OTUD4: variants seen among roughly 807,000 people sequenced by gnomAD.
OTUD4 encodes OTU domain-containing protein 4.
In OTUD4, 24 loss-of-function variants were observed where a neutral mutation model predicts 130.4. That is an observed-to-expected ratio of 0.18 (90% CI 0.13 to 0.26). The LOEUF is 0.26. Ranked by LOEUF, OTUD4 falls within the 10% of genes least tolerant of loss-of-function variation. The pLI is 1.00. For synonymous variants in OTUD4, 420 were observed against 472.5 expected, an observed-to-expected ratio of 0.89 and a Z score of 1.44; for missense variants, 1,031 against 1,329.4, an observed-to-expected ratio of 0.78 and a Z score of 3.49.
chr4:145,148,173 G>A (rs547944079), intron 13 of OTUD4, among the ~76,000 whole-genome samples: 22 of 152,254 alleles, frequency 1.4e-4, no homozygotes, highest in Non-Finnish European at 2.2e-4. Flanking sequence ...ATCCTAATAA[G>A]ATATGCTTCT....
chr4:145,163,819 G>A (rs1751709255), intron 5 of OTUD4, among the ~76,000 whole-genome samples: 2 of 150,308 alleles, frequency 1.3e-5, no homozygotes, highest in African/African-American at 4.9e-5. Flanking sequence ...CGATTCTCCT[G>A]CCTCAGCCTC....
intron 5 of OTUD4, among the ~76,000 whole-genome samples, chr4:145,163,672 A>ATAATATGAC (rs897044250): frequency 3.2e-4 from 49 of 151,834 alleles, no homozygotes; most frequent in African/African-American, 1.2e-3. Context: ...AAAATACAAA[A>ATAATATGAC]TAATATGACT....
At chr4:145,138,775 T>C (rs1487695506) in intron 20 of OTUD4, 125 bp from the exon 21 acceptor site, 1 of 737,470 alleles carries the variant, frequency 1.4e-6, no homozygotes, top group Non-Finnish European at 2.2e-6. Flanking sequence ...ATATAATCTA[T>C]AGTCCAAATA....
intron 13 of OTUD4, among the ~76,000 whole-genome samples, chr4:145,147,491 CA>C (rs1750879924): frequency 6.6e-6 from 1 of 152,160 alleles, no homozygotes; most frequent in African/African-American, 2.4e-5. Context: ...ACTACCTTAT[CA>C]CCATCTCCTA....
chr4:145,159,209 T>C (rs1233225209), intron 7 of OTUD4: 3 of 1,086,134 alleles, frequency 2.8e-6, no homozygotes, highest in Non-Finnish European at 2.2e-6. Context: ...CTTTAAAATT[T>C]TACAATACAC....
chr4:145,152,591 T>G lies in OTUD4; in HGVS notation c.918A>C (p.Gln306His). 6.2e-7 allele frequency: 1 copy of G among 1,612,480 alleles called. No homozygotes were observed. Among genetic ancestry groups the G allele is most frequent in the Non-Finnish European group, 8.5e-7 (1 of 1,178,688 alleles). The change falls in exon 11 of 21, where the codon CAA (glutamine) becomes CAC (histidine). Residue 306 changes from glutamine to histidine, a missense_variant. By Grantham distance (24) the Gln-to-His change is conservative. Transcript: ENST00000447906. ...CTGGTCCATTCTCAGAATGAATTCC[T>G]TGAACATCTGCATTCAAAAATTTTC... ...HNGKFLNADV[Q>H]GIHSENGPVL... is the part of the protein sequence containing the mutation.
intron 7 of OTUD4, among the ~76,000 whole-genome samples, chr4:145,157,559 C>CT (rs1287435171): frequency 1.3e-5 from 2 of 152,124 alleles, no homozygotes; most frequent in South Asian, 4.2e-4. Context: ...TGGCACATGC[C>CT]TGTAATCCTA....
chr4:145,137,580 T>C lies in OTUD4; in HGVS notation c.3195A>G (p.Gln1065=), dbSNP rs138592805. The C allele has an allele frequency of 1.3e-4, 204 of 1,613,566 alleles. No homozygotes were observed. In the African/African-American group the frequency reaches 2.3e-3, roughly 18 times the overall value. ...DWGYSGRGGY[Q]HVRSEESWKG... ...TCCAGGACTCCTCACTTCTCACATG[T>C]TGATATCCACCCCTACCAGAATAGC... Residue 1065 remains glutamine, a synonymous_variant, in exon 21 of 21, where the codon CAA becomes CAG. Transcript: ENST00000447906.
intron 15 of OTUD4, 37 bp downstream of exon 15, chr4:145,144,274 T>C (rs1241017169): frequency 1.3e-6 from 2 of 1,596,392 alleles, no homozygotes; most frequent in African/African-American, 2.7e-5. Flanking sequence ...TCTAAAGAGA[T>C]CTCTAGCATC....
intron 3 of OTUD4, 27 bp from the exon 4 acceptor site, chr4:145,165,224 G>GT: frequency 6.4e-7 from 1 of 1,554,716 alleles, no homozygotes; most frequent in Non-Finnish European, 8.8e-7. Context: ...AAGGTGGCAT[G>GT]TAAGTGTCTC....
Position 145,179,799 on chromosome 4 carries a change from GC to G in OTUD4, c.159+15del, listed in dbSNP as rs931903374. On this transcript the variant is annotated intron_variant, in intron 1 of 20. Coordinates refer to ENST00000447906, the MANE Select transcript of OTUD4 (RefSeq NM_001366057.1). ...CCCGCCTCCCCTCGAAGCCCTCCCCGCCCCCCCGCAATTACCTGCTCCGCCA... is the reference window on the plus strand; with the variant it reads ...CCCGCCTCCCCTCGAAGCCCTCCCCGCCCCCCGCAATTACCTGCTCCGCCA... 14 of 196,558 alleles carry G rather than the reference GC, an allele frequency of 7.1e-5. No homozygotes were observed. The highest frequency in any genetic ancestry group is 1.1e-4 in the Non-Finnish European group (14 of 128,472). 12.2% of individuals were successfully genotyped at this position (196,558 alleles called of 1,614,324 possible). A position where few individuals can be genotyped will look rare whatever the true frequency, so the allele number is the denominator to read the frequency against.
intron 1 of OTUD4, 122 bp downstream of exon 1, chr4:145,179,693 C>A: frequency 7.1e-7 from 1 of 1,407,462 alleles, no homozygotes; most frequent in South Asian, 1.5e-5. Context: ...GCTGTGACGA[C>A]AGCCAGGGCA....
chr4:145,157,524 A>G (rs1373330982), intron 7 of OTUD4, among the ~76,000 whole-genome samples: 3 of 152,044 alleles, frequency 2.0e-5, no homozygotes, highest in African/African-American at 7.2e-5. Context: ...ATCTCTACTA[A>G]AAATACAAAA....
At chr4:145,160,140 G>C (rs1751487052) in intron 6 of OTUD4, among the ~76,000 whole-genome samples, 1 of 152,190 alleles carries the variant, frequency 6.6e-6, no homozygotes, top group Non-Finnish European at 1.5e-5. Flanking sequence ...CTAGAAAGAG[G>C]AATATAGTAT....
At chr4:145,178,216 T>C (rs1015339257) in intron 1 of OTUD4, 1 of 152,220 alleles carries the variant, frequency 6.6e-6, no homozygotes, top group Non-Finnish European at 1.5e-5. Context: ...AAGAGGCTTC[T>C]GTATAATCAA....
intron 10 of OTUD4, among the ~76,000 whole-genome samples, chr4:145,153,810 A>G (rs1579260923): frequency 6.6e-6 from 1 of 152,238 alleles, no homozygotes; most frequent in African/African-American, 2.4e-5. Flanking sequence ...CAATGACAAT[A>G]AAGACATTTT....
chr4:145,179,605 T>C, intron 1 of OTUD4: 1 of 1,381,634 alleles, frequency 7.2e-7, no homozygotes, highest in Non-Finnish European at 9.3e-7. Context: ...AGACACCCCG[T>C]TAATTTGCGG....
chr4:145,144,814 TG>T (rs1750743393), intron 14 of OTUD4, among the ~76,000 whole-genome samples: 2 of 152,122 alleles, frequency 1.3e-5, no homozygotes, highest in South Asian at 4.1e-4. Context: ...GGTGGGGAGT[TG>T]GGGAGAACCT....
chr4:145,139,840 A>G, intron 20 of OTUD4, 111 bp downstream of exon 20: 1 of 435,322 alleles, frequency 2.3e-6, no homozygotes, highest in South Asian at 2.4e-5. Context: ...TAAAATGATG[A>G]GATTTAGTAA....
Sources: allele counts gnomAD v4.1 joint callset (sites outside exome capture counted in the v4.1 genomes callset), GRCh38; gene constraint gnomAD v4.1.1; transcripts MANE v1.5; gene names NCBI Gene and HGNC (gene_info 2026-07-23, HGNC 2026-07-21).